The following KLHL5 variants were observed in gnomAD, a reference collection of about 807,000 sequenced individuals.
KLHL5 encodes the protein kelch-like protein 5.
Under a neutral mutation model 77.7 loss-of-function variants are expected in KLHL5, and 48 were observed. The observed-to-expected ratio is 0.62, with a 90% CI of 0.49 to 0.79. The LOEUF is 0.79. Among genes scored for constraint, KLHL5 ranks in the 30% least tolerant of loss-of-function variants. The pLI is 0.00. For synonymous variants in KLHL5, 260 were observed against 297.0 expected (o/e 0.88, Z 1.28); for missense variants, 723 against 859.7 (o/e 0.84, Z 1.99).
intron 1 of KLHL5, among the ~76,000 whole-genome samples, chr4:39,056,485 T>G (rs1303548883): frequency 1.3e-5 from 2 of 152,210 alleles, no homozygotes; most frequent in Non-Finnish European, 2.9e-5. Flanking sequence ...AGTGAAAGAT[T>G]TAACATGGTG....
At chr4:39,114,617 G>C (rs1193827111) in intron 9 of KLHL5, among the ~76,000 whole-genome samples, 4 of 152,198 alleles carry the variant, frequency 2.6e-5, no homozygotes, top group African/African-American at 9.7e-5. Context: ...TTGTAATCCA[G>C]GAAAGGAATG....
chr4:39,084,358 A>T (rs1253865627), intron 4 of KLHL5, among the ~76,000 whole-genome samples: 5 of 152,168 alleles, frequency 3.3e-5, no homozygotes, highest in Admixed American at 1.3e-4. Context: ...AAGTCATGTA[A>T]CCTCTAAAAA....
chr4:39,085,821 T>C (rs187328583), intron 4 of KLHL5, among the ~76,000 whole-genome samples: 4 of 152,298 alleles, frequency 2.6e-5, no homozygotes, highest in Non-Finnish European at 5.9e-5. Context: ...AAAAGAGCTT[T>C]GTAAATAAAT....
the KLHL5 span, among the ~76,000 whole-genome samples, chr4:39,135,784 A>G: frequency 1.3e-5 from 2 of 152,088 alleles, no homozygotes; most frequent in Non-Finnish European, 2.9e-5. Flanking sequence ...CGCTCCTGTA[A>G]TCCCAGCTAC....
intron 6 of KLHL5, among the ~76,000 whole-genome samples, chr4:39,097,151 A>ATATTATAACC (rs1322476717): frequency 6.6e-6 from 1 of 152,238 alleles, no homozygotes; most frequent in African/African-American, 2.4e-5. Flanking sequence ...TAATAGTAAA[A>ATATTATAACC]TATTATAACC....
At chr4:39,104,466 T>C (rs2109528052) in intron 7 of KLHL5, among the ~76,000 whole-genome samples, 1 of 152,226 alleles carries the variant, frequency 6.6e-6, no homozygotes, top group South Asian at 2.1e-4. Context: ...TCCCCTACCA[T>C]GGGGAAGAAA....
At chr4:39,128,463 T>TGTGGA (rs906891030), downstream of KLHL5, among the ~76,000 whole-genome samples, 2 of 152,130 alleles carry the variant, frequency 1.3e-5, no homozygotes, top group Non-Finnish European at 2.9e-5. Flanking sequence ...CTGGCTGCAG[T>TGTGGA]GTGGAACATG....
upstream of KLHL5, among the ~76,000 whole-genome samples, chr4:39,061,652 C>T (rs1187553276): frequency 6.6e-6 from 1 of 152,188 alleles, no homozygotes; most frequent in Non-Finnish European, 1.5e-5. Flanking sequence ...ACAGAGGGCA[C>T]CATTAGGGCA....
Position 39,122,909 on chromosome 4 carries a change from AC to A in KLHL5, c.*1845del, listed in dbSNP as rs1723306333. 6.6e-6 allele frequency among the ~76,000 whole-genome samples: 1 copy of A among 152,170 alleles called. No individual in the cohort carries two copies. The highest frequency in any genetic ancestry group is 2.1e-4 in the South Asian group (1 of 4,838). ...TTTATGCTCTATAGTAATAAAATTTACCAGTAACACCCAATCAGAAAATTTT... is the reference window on the plus strand; with the variant it reads ...TTTATGCTCTATAGTAATAAAATTTACAGTAACACCCAATCAGAAAATTTT... On this transcript the variant is annotated 3_prime_UTR_variant, in exon 11 of 11. Transcript: ENST00000504108.
intron 8 of KLHL5, among the ~76,000 whole-genome samples, chr4:39,111,007 T>G (rs1722420064): frequency 1.3e-5 from 2 of 152,184 alleles, no homozygotes; most frequent in African/African-American, 4.8e-5. Flanking sequence ...GAACCATTTT[T>G]TAGACTCCCT....
chr4:39,052,452 ATAAGT>A (rs942224596), intron 1 of KLHL5, among the ~76,000 whole-genome samples: 57 of 152,264 alleles, frequency 3.7e-4, no homozygotes, highest in African/African-American at 1.2e-3. Context: ...AGAAAGTGAA[ATAAGT>A]TGAGAGGAAG....
intron 7 of KLHL5, among the ~76,000 whole-genome samples, chr4:39,104,229 A>G (rs955072908): frequency 6.6e-6 from 1 of 152,162 alleles, no homozygotes; most frequent in African/African-American, 2.4e-5. Flanking sequence ...AAGTTTGATA[A>G]GGAAATAAAA....
chr4:39,107,677 T>C lies in KLHL5; in HGVS notation c.1634T>C (p.Val545Ala). The C allele has an allele frequency of 6.2e-7, 1 of 1,613,358 alleles. No homozygotes were observed. The highest frequency in any genetic ancestry group is 8.5e-7 in the Non-Finnish European group (1 of 1,179,394). ...WDPQARQWNF[V>A]ATMSTPRSTV... ...CCTCAGGCTCGCCAGTGGAATTTTGTTGCCACTATGTCTACCCCTAGGAGT... is the reference window on the plus strand; with the variant it reads ...CCTCAGGCTCGCCAGTGGAATTTTGCTGCCACTATGTCTACCCCTAGGAGT... Residue 545 changes from valine (V) to alanine (A), a missense_variant, in exon 8 of 11, where the codon GTT becomes GCT. Val to Ala is a moderately conservative substitution (Grantham distance 64). Coordinates refer to ENST00000504108, the MANE Select transcript of KLHL5 (RefSeq NM_015990.5).
chr4:39,067,855 G>C (rs1261833803), intron 1 of KLHL5, among the ~76,000 whole-genome samples: 1 of 151,828 alleles, frequency 6.6e-6, no homozygotes, highest in Non-Finnish European at 1.5e-5. Flanking sequence ...TAATTTTTCT[G>C]TATTTTTAGT....
chr4:39,128,686 G>C (rs887695747), downstream of KLHL5, among the ~76,000 whole-genome samples: 7 of 152,206 alleles, frequency 4.6e-5, no homozygotes, highest in Non-Finnish European at 7.3e-5. Context: ...ATGGATGCTA[G>C]ACGCAGTGGC....
At chr4:39,056,645 A>T (rs1717028516) in intron 1 of KLHL5, among the ~76,000 whole-genome samples, 2 of 152,202 alleles carry the variant, frequency 1.3e-5, no homozygotes, top group South Asian at 2.1e-4. Flanking sequence ...TTCACACTTT[A>T]AATTTCCGGT....
At chr4:39,055,751 A>C (rs1037299661) in intron 1 of KLHL5, among the ~76,000 whole-genome samples, 3 of 152,110 alleles carry the variant, frequency 2.0e-5, no homozygotes, top group African/African-American at 7.2e-5. Context: ...GCCTTGCTAT[A>C]TCTTAGCTTA....
intron 2 of KLHL5, 104 bp downstream of exon 2, chr4:39,076,251 G>A: frequency 3.1e-6 from 3 of 969,202 alleles, no homozygotes; most frequent in Non-Finnish European, 4.6e-6. Flanking sequence ...TTTTGGGAAG[G>A]GGTGTAGTTC....
Position 39,062,632 on chromosome 4 carries a change from G to A in KLHL5, c.-21G>A, listed in dbSNP as rs1336800740. On this transcript the variant is annotated 5_prime_UTR_variant, in exon 1 of 11. Coordinates refer to ENST00000504108, the MANE Select transcript of KLHL5 (RefSeq NM_015990.5). ...AGTGCTTTTTGCCCGTTGCCTAGAC[G>A]ATCACTTGGTTTCTCTGAGGATGTC... 15 of 1,613,978 alleles carry A rather than the reference G, an allele frequency of 9.3e-6. No homozygotes were observed. Among genetic ancestry groups the A allele is most frequent in the Admixed American group, 1.7e-5 (1 of 59,976 alleles).
Sources: allele counts gnomAD v4.1 joint callset (sites outside exome capture counted in the v4.1 genomes callset), GRCh38; gene constraint gnomAD v4.1.1; transcripts MANE v1.5; gene names NCBI Gene and HGNC (gene_info 2026-07-23, HGNC 2026-07-21).